C8orf34: variants seen among roughly 807,000 people sequenced by gnomAD.
The protein encoded by C8orf34 is chromosome 8 open reading frame 34.
In C8orf34, 65 loss-of-function variants were observed where a neutral mutation model predicts 68.3. The observed-to-expected ratio is 0.95, with a 90% CI of 0.78 to 1.17. C8orf34 has a LOEUF of 1.17. Ranked by LOEUF, C8orf34 falls within the 50% of genes most tolerant of loss-of-function variation. C8orf34 has a pLI of 0.00. For synonymous variants in C8orf34, 244 were observed against 241.2 expected (o/e 1.01, Z -0.11); for missense variants, 664 against 655.4 (o/e 1.01, Z -0.14).
chr8:68,677,142 A>G (rs988413781), intron 8 of C8orf34, among the ~76,000 whole-genome samples: 1 of 152,214 alleles, frequency 6.6e-6, no homozygotes, highest in Non-Finnish European at 1.5e-5. Flanking sequence ...ACCTATACAA[A>G]CACATGAAAA....
chr8:68,465,816 G>T (rs1486634789), intron 3 of C8orf34, among the ~76,000 whole-genome samples: 2 of 151,818 alleles, frequency 1.3e-5, no homozygotes, highest in East Asian at 3.9e-4. Context: ...TGGGGGCAGG[G>T]GGGAGGGATA....
chr8:68,646,093 C>T (rs1197649651), intron 8 of C8orf34, among the ~76,000 whole-genome samples: 1 of 152,072 alleles, frequency 6.6e-6, no homozygotes, highest in South Asian at 2.1e-4. Flanking sequence ...GTTAATACAT[C>T]TGTTATGCTT....
chr8:68,541,892 C>T (rs1815714940), intron 7 of C8orf34, among the ~76,000 whole-genome samples: 1 of 151,986 alleles, frequency 6.6e-6, no homozygotes, highest in Admixed American at 6.6e-5. Flanking sequence ...TTTGACTGAA[C>T]CAATTATTTT....
intron 7 of C8orf34, among the ~76,000 whole-genome samples, chr8:68,550,027 G>A (rs571239949): frequency 1.3e-5 from 2 of 151,662 alleles, no homozygotes; most frequent in South Asian, 4.1e-4. Flanking sequence ...ACGTATTTTG[G>A]CTTTGATCAC....
In C8orf34 at chr8:68,788,829, C is replaced by T. The variant is rs143481040; in HGVS notation, c.1549+1293C>T. ...AGCCGAGATCGCGCCACTGCACTCC[C>T]GCCTGGCGACAGAGCGAGACTCCGT... is the stretch of plus-strand genomic sequence containing the variant. On this transcript the variant is annotated intron_variant, in intron 12 of 13. Transcript: ENST00000518698. Among the ~76,000 whole-genome samples the T allele has an allele frequency of 6.6e-3, 994 of 151,720 alleles. 8 individuals are homozygous for T. The highest frequency in any genetic ancestry group is 0.022 in the African/African-American group (923 of 41,386).
In C8orf34 at chr8:68,525,956, C is replaced by CTTTTTT. The variant is rs10692707; in HGVS notation, c.938+4000_938+4005dup. The CTTTTTT allele has an allele frequency of 3.5e-3, 623 of 178,592 alleles. 6 individuals carry two copies. Among genetic ancestry groups the CTTTTTT allele is most frequent in the Non-Finnish European group, 4.2e-3 (417 of 98,520 alleles). The allele number at this position is 178,592 out of a possible 1,614,324, so 11.1% of individuals were successfully genotyped here. ...CTGAAAGAGACAAATTTCTTTCTTT[C>CTTTTTT]TTTTTTTTTTTTTTTTTTTTGAGAC... On this transcript the variant is annotated intron_variant, in intron 6 of 13. Transcript: ENST00000518698.
intron 7 of C8orf34, among the ~76,000 whole-genome samples, chr8:68,550,946 A>G (rs1816049006): frequency 6.7e-6 from 1 of 148,620 alleles, no homozygotes; most frequent in South Asian, 2.1e-4. Context: ...AAGTTTCTTC[A>G]TCTTCAATTT....
chr8:68,756,442 C>T (rs1016866469), intron 10 of C8orf34, among the ~76,000 whole-genome samples: 2 of 152,184 alleles, frequency 1.3e-5, no homozygotes, highest in African/African-American at 2.4e-5. Flanking sequence ...CCAGCATTTG[C>T]TAAGCACCTC....
chr8:68,479,127 G>T (rs1812746847), intron 4 of C8orf34, among the ~76,000 whole-genome samples: 1 of 152,094 alleles, frequency 6.6e-6, no homozygotes, highest in Non-Finnish European at 1.5e-5. Context: ...GATGTGTATA[G>T]TTACTTTATA....
chr8:68,428,443 A>G (rs1301839052), intron 1 of C8orf34, among the ~76,000 whole-genome samples: 3 of 152,134 alleles, frequency 2.0e-5, no homozygotes, highest in Non-Finnish European at 2.9e-5. Flanking sequence ...AAAGTATTCT[A>G]AAATCCTTAT....
chr8:68,507,396 T>C (rs10504425), intron 5 of C8orf34, among the ~76,000 whole-genome samples: 6,857 of 152,322 alleles, frequency 0.045, 196 homozygotes, highest in Middle Eastern at 0.068. Flanking sequence ...TGACATGAGA[T>C]AATCAGATTA....
intron 10 of C8orf34, among the ~76,000 whole-genome samples, chr8:68,725,355 T>C (rs963055926): frequency 6.6e-6 from 1 of 152,166 alleles, no homozygotes. Context: ...CTCATAAGAT[T>C]TTATGTAACT....
intron 7 of C8orf34, among the ~76,000 whole-genome samples, chr8:68,546,590 CAGT>C (rs1395130693): frequency 3.3e-5 from 5 of 151,442 alleles, no homozygotes; most frequent in Non-Finnish European, 7.4e-5. Context: ...AGAGAAAAAT[CAGT>C]AGAGATATAG....
At position 68,771,242 on chromosome 8, in the gene C8orf34, G is replaced by T. The variant is rs189936753; in HGVS notation, c.1405-5157G>T. On this transcript the variant is annotated intron_variant, in intron 10 of 13. Coordinates refer to ENST00000518698, the MANE Select transcript of C8orf34 (RefSeq NM_052958.4). ...CTGTACCTAGTTTTTCATTAATTGGGGATAAATCACTGCCTGTTCTTTTGG... is the reference window on the plus strand; with the variant it reads ...CTGTACCTAGTTTTTCATTAATTGGTGATAAATCACTGCCTGTTCTTTTGG... Among the ~76,000 whole-genome samples the T allele has an allele frequency of 5.1e-3, 773 of 152,186 alleles. 6 individuals are homozygous for T. Among genetic ancestry groups the T allele is most frequent in the Middle Eastern group, 0.024 (7 of 294 alleles).
chr8:68,379,855 A>G (rs1246808601), intron 1 of C8orf34, among the ~76,000 whole-genome samples: 2 of 151,832 alleles, frequency 1.3e-5, no homozygotes, highest in African/African-American at 4.8e-5. Context: ...GTTTTTGTTT[A>G]TTTGTTTGTT....
chr8:68,649,202 G>A (rs2130770240), intron 8 of C8orf34, among the ~76,000 whole-genome samples: 1 of 152,216 alleles, frequency 6.6e-6, no homozygotes, highest in Non-Finnish European at 1.5e-5. Context: ...GATTCCATTT[G>A]AGTCATGTAT....
At chr8:68,380,829 C>A (rs1157161534) in intron 1 of C8orf34, among the ~76,000 whole-genome samples, 1 of 152,220 alleles carries the variant, frequency 6.6e-6, no homozygotes, top group Non-Finnish European at 1.5e-5. Flanking sequence ...TCAAGGCAAT[C>A]AAATTTACCA....
chr8:68,739,710 T>C (rs1348200327), intron 10 of C8orf34, among the ~76,000 whole-genome samples: 1 of 152,022 alleles, frequency 6.6e-6, no homozygotes, highest in African/African-American at 2.4e-5. Context: ...AAACAACCAA[T>C]GACATTATTC....
intron 7 of C8orf34, among the ~76,000 whole-genome samples, chr8:68,622,455 G>GA (rs111408185): frequency 0.035 from 5,126 of 148,532 alleles, 95 homozygotes; most frequent in Non-Finnish European, 0.051. Context: ...GCTCTTAAAG[G>GA]AAAAAAAAAA....
Sources: allele counts gnomAD v4.1 joint callset (sites outside exome capture counted in the v4.1 genomes callset), GRCh38; gene constraint gnomAD v4.1.1; transcripts MANE v1.5; gene names NCBI Gene and HGNC (gene_info 2026-07-23, HGNC 2026-07-21).